KAT8: variants seen among roughly 807,000 people sequenced by gnomAD.
KAT8 encodes the protein lysine acetyltransferase 8.
Under a neutral mutation model 62.9 loss-of-function variants are expected in KAT8, and 40 were observed. The observed-to-expected ratio is 0.64, with a 90% CI of 0.49 to 0.83. The LOEUF is 0.83. Among genes scored for constraint, KAT8 ranks in the 40% least tolerant of loss-of-function variants. The pLI, the probability that KAT8 is intolerant of heterozygous loss-of-function variation, is 0.00. For synonymous variants in KAT8, 278 were observed against 254.5 expected (o/e 1.09, Z -0.88); for missense variants, 387 against 614.8 (o/e 0.63, Z 3.92).
At chr16:31,131,074 C>G (rs1029853667) in intron 10 of KAT8, 121 bp from the exon 11 acceptor site, 8 of 1,516,710 alleles carry the variant, frequency 5.3e-6, no homozygotes, top group Middle Eastern at 1.9e-4. Flanking sequence ...CTCCCCAGCA[C>G]AGCCTGCCCT....
rs1221797276 is a variant in KAT8 at position 31,128,098 on chromosome 16, A to G, written c.730A>G (p.Ser244Gly). The change falls in exon 6 of 11, where the codon AGC becomes GGC. Residue 244 changes from serine (S) to glycine (G), a missense_variant. Physicochemically the swap from Ser to Gly is moderately conservative, Grantham distance 56 (BLOSUM62 0). Coordinates refer to ENST00000219797, the MANE Select transcript of KAT8 (RefSeq NM_032188.3). ...QPPGKEIYRK[S>G]NISVYEVDGK... is the part of the protein sequence containing the mutation. Reference sequence around the variant, plus strand: ...CCCCGGGAAAGAGATCTACCGCAAGAGCAACATCTCCGTGTACGAAGTTGA... The same window carrying G: ...CCCCGGGAAAGAGATCTACCGCAAGGGCAACATCTCCGTGTACGAAGTTGA... The G allele has an allele frequency of 6.2e-7, 1 of 1,614,062 alleles. No homozygotes were observed. The highest frequency in any genetic ancestry group is 1.3e-5 in the African/African-American group (1 of 75,044).
chr16:31,127,104 A>C lies in KAT8; in HGVS notation c.516+16A>C, dbSNP rs1196854640. On this transcript the variant is annotated intron_variant, in intron 4 of 10. Transcript: ENST00000219797. ...GCATGAGGCGGTAAGTGGGGCTGGG[A>C]AGCTGCCTGCAGGTCCCCCGTCTCC... is the stretch of plus-strand genomic sequence containing the variant. 6 of 1,613,992 alleles carry C rather than the reference A, an allele frequency of 3.7e-6. No individual in the cohort carries two copies. The South Asian group carries it at 5.5e-5, about 15-fold the overall frequency.
chr16:31,131,182 C>G lies in KAT8; in HGVS notation c.1313-13C>G. 6.2e-7 allele frequency: 1 copy of G among 1,613,882 alleles called. No homozygotes were observed. ...CCAGGCCCAGCCCTGCCTCCCGCCCCTTCTCCCCACAGTGGACTCCGTCTG... is the reference window on the plus strand; with the variant it reads ...CCAGGCCCAGCCCTGCCTCCCGCCCGTTCTCCCCACAGTGGACTCCGTCTG... On this transcript the variant is annotated splice_polypyrimidine_tract_variant and intron_variant, in intron 10 of 10. Coordinates refer to ENST00000219797, the MANE Select transcript of KAT8 (RefSeq NM_032188.3).
chr16:31,124,593 T>C (rs1331296276), intron 3 of KAT8, among the ~76,000 whole-genome samples: 1 of 150,500 alleles, frequency 6.6e-6, no homozygotes, highest in African/African-American at 2.5e-5. Context: ...ATTAGCTGGG[T>C]GTGATGGTGC....
chr16:31,118,163 A>G (rs994354274), intron 1 of KAT8: 13 of 369,644 alleles, frequency 3.5e-5, no homozygotes, highest in African/African-American at 2.3e-4. Flanking sequence ...TTCCTTGCCC[A>G]GTCTTAGGCT....
At chr16:31,123,366 A>G (rs1048611927) in intron 3 of KAT8, among the ~76,000 whole-genome samples, 1 of 151,406 alleles carries the variant, frequency 6.6e-6, no homozygotes, top group African/African-American at 2.4e-5. Context: ...ACAGGCACGC[A>G]CCATCATGCC....
chr16:31,126,952 G>C, intron 3 of KAT8, 83 bp from the exon 4 acceptor site: 1 of 1,449,420 alleles, frequency 6.9e-7, no homozygotes, highest in Non-Finnish European at 9.7e-7. Context: ...GTAGACGGCA[G>C]GGAAGCCTTG....
At position 31,127,175 on chromosome 16, in the gene KAT8, C is replaced by T. The variant is rs370520399; in HGVS notation, c.517-14C>T. The T allele has an allele frequency of 1.1e-4, 184 of 1,614,246 alleles. No homozygotes were observed. In the African/African-American group the frequency reaches 2.2e-3, roughly 19 times the overall value. On this transcript the variant is annotated splice_polypyrimidine_tract_variant and intron_variant, in intron 4 of 10. Transcript: ENST00000219797. ...TGAGCCGTGCACTGTGCCTCACTCCCACCCTGCCTGCAGATCACCAAGGTG... is the reference window on the plus strand; with the variant it reads ...TGAGCCGTGCACTGTGCCTCACTCCTACCCTGCCTGCAGATCACCAAGGTG...
Position 31,120,444 on chromosome 16 carries a change from C to T in KAT8, c.392C>T (p.Ala131Val), listed in dbSNP as rs2057485107. The change falls in exon 3 of 11, where the codon GCA becomes GTA. Residue 131 changes from alanine to valine, a missense_variant. Physicochemically the swap from Ala to Val is moderately conservative, Grantham distance 64. This residue lies in a region of KAT8 where 69 missense variants were observed against 127.0 expected (regional missense o/e 0.54). Transcript: ENST00000219797. ...KNSEKYLSEL[A>V]EQPERKITRN... ...TCAGAGAAGTACCTGAGCGAGCTCG[C>T]AGAGCAGCCTGAGCGCAAGATCACT... The T allele has an allele frequency of 6.2e-7, 1 of 1,613,904 alleles. No individual in the cohort carries two copies. Among genetic ancestry groups the T allele is most frequent in the Non-Finnish European group, 8.5e-7 (1 of 1,180,002 alleles).
rs2057538195 is a variant in KAT8, at chr16:31,127,221, C to T, written c.549C>T (p.His183=). The change falls in exon 5 of 11, where the codon CAC becomes CAT. Residue 183 remains histidine, a synonymous_variant. Transcript: ENST00000219797. ...ITKVKYVDKI[H]IGNYEIDAWY... ...AGGTGAAGTATGTGGACAAGATCCA[C>T]ATCGGGAACTACGAAATTGATGCCT... is the stretch of plus-strand genomic sequence containing the variant. The T allele has an allele frequency of 6.2e-7, 1 of 1,614,138 alleles. No homozygotes were observed. Among genetic ancestry groups the T allele is most frequent in the African/African-American group, 1.3e-5 (1 of 74,954 alleles).
chr16:31,125,060 C>A (rs1275015846), intron 3 of KAT8, among the ~76,000 whole-genome samples: 1 of 151,882 alleles, frequency 6.6e-6, no homozygotes, highest in African/African-American at 2.4e-5. Flanking sequence ...GGAATGGTAG[C>A]AGGCACATGT....
intron 3 of KAT8, among the ~76,000 whole-genome samples, chr16:31,121,413 G>A (rs1202486525): frequency 6.6e-6 from 1 of 151,478 alleles, no homozygotes; most frequent in Non-Finnish European, 1.5e-5. Context: ...GAGCTACTGC[G>A]CCCGGCCTAA....
chr16:31,117,861 G>T lies in KAT8; in HGVS notation c.180G>T (p.Thr60=). The stretch of plus-strand genomic sequence containing the variant: ...AAGTCACGGTGGAGATCGGAGAAAC[G>T]TACCTGTGCCGGCGACCGGATAGCA... ...EPEVTVEIGE[T]YLCRRPDSTW... is the part of the protein sequence containing the mutation. Residue 60 remains threonine, a synonymous_variant, in exon 1 of 11, where the codon ACG becomes ACT. Coordinates refer to ENST00000219797, the MANE Select transcript of KAT8 (RefSeq NM_032188.3). 7.0e-7 allele frequency: 1 copy of T among 1,420,482 alleles called. No homozygotes were observed. Among genetic ancestry groups the T allele is most frequent in the Non-Finnish European group, 9.3e-7 (1 of 1,077,812 alleles). 88.0% of individuals were successfully genotyped at this position (1,420,482 alleles called of 1,614,324 possible).
intron 6 of KAT8, among the ~76,000 whole-genome samples, chr16:31,129,742 T>C (rs535782903): frequency 2.0e-5 from 3 of 152,344 alleles, no homozygotes; most frequent in African/African-American, 7.2e-5. Flanking sequence ...CTGTGAAGAC[T>C]GAAGCAGATC....
At chr16:31,118,778 C>T (rs1421639422) in intron 1 of KAT8, 1 of 152,110 alleles carries the variant, frequency 6.6e-6, no homozygotes, top group Non-Finnish European at 1.5e-5. Flanking sequence ...GTAGTGGTTG[C>T]CTTACTCATT....
chr16:31,120,582 G>A (rs1309543428), intron 3 of KAT8, 68 bp downstream of exon 3: 13 of 1,463,910 alleles, frequency 8.9e-6, no homozygotes, highest in East Asian at 2.4e-5. Context: ...TGGGTCTCTC[G>A]GGCCCCAGTG....
At chr16:31,124,271 C>T (rs1299667100) in intron 3 of KAT8, among the ~76,000 whole-genome samples, 1 of 152,222 alleles carries the variant, frequency 6.6e-6, no homozygotes, top group South Asian at 2.1e-4. Context: ...GACCTCACCT[C>T]TTTGTGCCTC....
chr16:31,121,469 C>T (rs1379082460), intron 3 of KAT8, among the ~76,000 whole-genome samples: 1 of 151,994 alleles, frequency 6.6e-6, no homozygotes, highest in African/African-American at 2.4e-5. Flanking sequence ...CACAGTAGGC[C>T]TGTGAAGTAA....
intron 3 of KAT8, chr16:31,120,734 C>T: frequency 3.9e-6 from 2 of 507,144 alleles, no homozygotes; most frequent in Non-Finnish European, 7.0e-6. Context: ...GGAAATGGCA[C>T]AGCTGGGACT....
Sources: allele counts gnomAD v4.1 joint callset (sites outside exome capture counted in the v4.1 genomes callset), GRCh38; gene constraint gnomAD v4.1.1; regional missense constraint gnomAD v4.1.1; transcripts MANE v1.5; gene names NCBI Gene and HGNC (gene_info 2026-07-23, HGNC 2026-07-21).